EPB41: variants seen among roughly 807,000 people sequenced by gnomAD.
The protein encoded by EPB41 is erythrocyte membrane protein band 4.1, also known as protein 4.1.
In EPB41, 65 loss-of-function variants were observed where a neutral mutation model predicts 108.0. That is an observed-to-expected ratio of 0.60 (90% CI 0.49 to 0.74). The LOEUF (loss-of-function observed/expected upper bound fraction) is 0.74, where lower values mean the gene tolerates loss of function less well. Ranked by LOEUF, EPB41 falls within the 30% of genes least tolerant of loss-of-function variation. EPB41 has a pLI of 0.00. For missense variants in EPB41, 875 were observed against 1,037.0 expected (o/e 0.84, Z 2.15); for synonymous variants, 336 against 358.9 (o/e 0.94, Z 0.72).
chr1:29,094,224 C>T (rs1467876483), intron 16 of EPB41, among the ~76,000 whole-genome samples: 1 of 151,976 alleles, frequency 6.6e-6, no homozygotes, highest in African/African-American at 2.4e-5. Context: ...CATTTTCATA[C>T]CAGTACACCA....
chr1:29,040,078 G>C (rs568628948), intron 11 of EPB41, among the ~76,000 whole-genome samples: 74 of 152,200 alleles, frequency 4.9e-4, no homozygotes, highest in Admixed American at 1.0e-3. Flanking sequence ...ATATTTTTCT[G>C]CAGTCCTGGT....
intron 16 of EPB41, among the ~76,000 whole-genome samples, chr1:29,086,705 TAGC>T (rs1305453508): frequency 6.6e-6 from 1 of 152,140 alleles, no homozygotes; most frequent in Non-Finnish European, 1.5e-5. Context: ...AATGAGACAA[TAGC>T]AGTGTGTTTT....
chr1:28,950,135 G>A (rs1324613678), intron 1 of EPB41, among the ~76,000 whole-genome samples: 5 of 152,172 alleles, frequency 3.3e-5, no homozygotes, highest in African/African-American at 1.2e-4. Context: ...GTAGGTGTGT[G>A]TAAGCATCTC....
intron 1 of EPB41, among the ~76,000 whole-genome samples, chr1:28,939,594 A>G (rs2094191389): frequency 6.6e-6 from 1 of 151,626 alleles, no homozygotes; most frequent in Admixed American, 6.6e-5. Flanking sequence ...CAGGCACTTG[A>G]CACCACGCCC....
At chr1:29,098,043 G>A in intron 17 of EPB41, 108 bp downstream of exon 17, 1 of 1,509,902 alleles carries the variant, frequency 6.6e-7, no homozygotes, top group Non-Finnish European at 9.1e-7. Context: ...GTTTTTCTGG[G>A]GCAGTTCTTT....
chr1:28,902,891 C>T (rs987466662), intron 1 of EPB41, among the ~76,000 whole-genome samples: 1 of 152,074 alleles, frequency 6.6e-6, no homozygotes, highest in African/African-American at 2.4e-5. Flanking sequence ...GAGATAAAGA[C>T]GCCTACTTGA....
Position 28,887,756 on chromosome 1 carries a change from G to T in EPB41, c.-8+546G>T. The T allele has an allele frequency of 1.1e-6, 1 of 927,382 alleles. No individual in the cohort carries two copies. Among genetic ancestry groups the T allele is most frequent in the Non-Finnish European group, 1.3e-6 (1 of 776,870 alleles). The allele number at this position is 927,382 out of a possible 1,614,324, so 57.4% of individuals were successfully genotyped here. On this transcript the variant is annotated intron_variant, in intron 1 of 16. Coordinates refer to the EPB41 transcript ENST00000347529. This position sits in a 1 kb window ranked among gnomAD's most constrained non-coding sequence, Gnocchi z 4.9. Reference sequence around the variant, plus strand: ...CGACCCGCCAGCTGGGGCGCCGGCTGTGCCCGCCAGGGTGGCCCCCCCGGC... The same window carrying T: ...CGACCCGCCAGCTGGGGCGCCGGCTTTGCCCGCCAGGGTGGCCCCCCCGGC...
chr1:28,910,368 C>T (rs79467937), upstream of EPB41, among the ~76,000 whole-genome samples: 869 of 152,206 alleles, frequency 5.7e-3, 8 homozygotes, highest in African/African-American at 0.02. Flanking sequence ...GGATGGCAAG[C>T]ACTACTCTTC....
chr1:28,987,766 A>G lies in EPB41; in HGVS notation c.329A>G (p.Glu110Gly). The stretch of plus-strand genomic sequence containing the variant: ...GTAGAGTCAGATAAAGAAAAAGGTG[A>G]AGGAGGTCAGAAAGAGATAGAATTT... ...KEVESDKEKG[E>G]GGQKEIEFGT... is the part of the protein sequence containing the mutation. Residue 110 changes from glutamate (E) to glycine (G), a missense_variant, in exon 2 of 21, where the codon GAA becomes GGA. By Grantham distance (98) the Glu-to-Gly change is moderately conservative (BLOSUM62 -2). Coordinates refer to ENST00000343067, the MANE Select transcript of EPB41 (RefSeq NM_001376013.1). 1 of 1,614,174 alleles carries G rather than the reference A, an allele frequency of 6.2e-7. No homozygotes were observed. Among genetic ancestry groups the G allele is most frequent in the South Asian group, 1.1e-5 (1 of 91,086 alleles).
chr1:29,032,112 A>AG (rs886941264), intron 8 of EPB41, among the ~76,000 whole-genome samples: 2 of 151,712 alleles, frequency 1.3e-5, no homozygotes, highest in African/African-American at 4.8e-5. Context: ...AAAAAAAAAA[A>AG]AAAGAAAAAA....
chr1:29,046,035 G>A lies in EPB41; in HGVS notation c.1636+6609G>A, dbSNP rs976739266. Among the ~76,000 whole-genome samples the A allele has an allele frequency of 5.9e-5, 9 of 151,598 alleles. No homozygotes were observed. In the East Asian group the frequency reaches 1.7e-3, roughly 29 times the overall value. On this transcript the variant is annotated intron_variant, in intron 11 of 20. Coordinates refer to ENST00000343067, the MANE Select transcript of EPB41 (RefSeq NM_001376013.1). Reference sequence around the variant, plus strand: ...TGGTATCCTAAATTTTTTATTTTTTGTTCAATTGTTTTGGTACATAGAAAT... The same window carrying A: ...TGGTATCCTAAATTTTTTATTTTTTATTCAATTGTTTTGGTACATAGAAAT...
intron 1 of EPB41, among the ~76,000 whole-genome samples, chr1:28,977,641 C>T (rs2095638912): frequency 6.6e-6 from 1 of 151,970 alleles, no homozygotes; most frequent in African/African-American, 2.4e-5. Context: ...ATTTTATATC[C>T]AGAATGAAAA....
At chr1:29,045,318 A>G (rs1642834543) in intron 11 of EPB41, among the ~76,000 whole-genome samples, 1 of 151,896 alleles carries the variant, frequency 6.6e-6, no homozygotes, top group Non-Finnish European at 1.5e-5. Flanking sequence ...TGCATCTTTC[A>G]TTAGATTTAT....
At chr1:29,090,370 T>A (rs1660751706) in intron 16 of EPB41, among the ~76,000 whole-genome samples, 1 of 152,130 alleles carries the variant, frequency 6.6e-6, no homozygotes, top group Non-Finnish European at 1.5e-5. Flanking sequence ...AGCGGATAAA[T>A]GTAAGGAAGA....
intron 1 of EPB41, among the ~76,000 whole-genome samples, chr1:28,939,806 A>T (rs1328173736): frequency 2.0e-5 from 3 of 152,226 alleles, no homozygotes; most frequent in Non-Finnish European, 4.4e-5. Context: ...CCCTAGTATC[A>T]GTTATCTATT....
chr1:29,111,077 G>C (rs1047454968), intron 18 of EPB41, among the ~76,000 whole-genome samples: 4 of 151,570 alleles, frequency 2.6e-5, no homozygotes, highest in Non-Finnish European at 5.9e-5. Context: ...TTAGGCAGGA[G>C]AATCACTTGA....
chr1:29,075,002 C>A (rs1322645138), intron 16 of EPB41, among the ~76,000 whole-genome samples: 1 of 151,954 alleles, frequency 6.6e-6, no homozygotes, highest in African/African-American at 2.4e-5. Context: ...ACTAAAAATA[C>A]AAAAATTAGC....
intron 8 of EPB41, chr1:29,031,911 A>G (rs1273838672): frequency 1.3e-5 from 2 of 152,066 alleles, no homozygotes; most frequent in African/African-American, 2.4e-5. Flanking sequence ...ACTGGGGAAC[A>G]TGGTGAAATC....
chr1:29,058,849 G>C lies in EPB41; in HGVS notation c.1941G>C (p.Arg647Ser), dbSNP rs1260977873. 6.4e-7 allele frequency: 1 copy of C among 1,551,098 alleles called. No homozygotes were observed. The highest frequency in any genetic ancestry group is 8.7e-7 in the Non-Finnish European group (1 of 1,146,738). ...AEKTEDLIRM[R>S]KKKRERLDGE... ...AAACTGAAGATCTGATAAGAATGAG[G>C]AAGGTTAGCCATTTTTCACTTTCAC... is the stretch of plus-strand genomic sequence containing the variant. Residue 647 changes from arginine to serine, a missense_variant, in exon 14 of 21, where the codon AGG (arginine) becomes AGC (serine). Transcript: ENST00000343067.
Sources: gnomAD v4.1 joint callset for allele counts (sites outside exome capture counted in the v4.1 genomes callset) on GRCh38, gnomAD v4.1.1 for gene constraint, Gnocchi (gnomAD v3.1) non-coding constraint, MANE v1.5 for transcripts, NCBI Gene and HGNC (gene_info 2026-07-23, HGNC 2026-07-21) for gene names.